CCDC175: variants seen among roughly 807,000 people sequenced by gnomAD.
CCDC175 encodes the protein coiled-coil domain-containing protein 175.
In CCDC175, 100 loss-of-function variants were observed where a neutral mutation model predicts 114.6. That is an observed-to-expected ratio of 0.87 (90% confidence interval 0.74 to 1.03). CCDC175 has a LOEUF of 1.03. Ranked by LOEUF, CCDC175 falls within the 50% of genes least tolerant of loss-of-function variation. The pLI is 0.00. For synonymous variants in CCDC175, 306 were observed against 308.7 expected (o/e 0.99, Z 0.09); for missense variants, 880 against 917.8 (o/e 0.96, Z 0.53).
intron 16 of CCDC175, among the ~76,000 whole-genome samples, chr14:59,523,134 C>T (rs1893519252): frequency 6.6e-6 from 1 of 152,206 alleles, no homozygotes; most frequent in Non-Finnish European, 1.5e-5. Context: ...AATAGCAATA[C>T]ATATTCCAAT....
intron 14 of CCDC175, among the ~76,000 whole-genome samples, chr14:59,529,832 A>T (rs1388302373): frequency 6.6e-6 from 1 of 152,136 alleles, no homozygotes; most frequent in Non-Finnish European, 1.5e-5. Context: ...CTGTGTATGG[A>T]GCCCATGCAT....
chr14:59,525,195 G>A, intron 16 of CCDC175, 87 bp downstream of exon 16: 1 of 1,041,004 alleles, frequency 9.6e-7, no homozygotes, highest in Non-Finnish European at 1.3e-6. Context: ...TTTTTCAAGA[G>A]CTATTCTCTT....
intron 3 of CCDC175, among the ~76,000 whole-genome samples, chr14:59,571,332 T>C (rs1237760293): frequency 6.6e-6 from 1 of 152,058 alleles, no homozygotes; most frequent in Non-Finnish European, 1.5e-5. Context: ...AGGCAACCCA[T>C]GGAATGGGAA....
chr14:59,576,588 C>A, intron 1 of CCDC175, 31 bp downstream of exon 1: 1 of 1,397,200 alleles, frequency 7.2e-7, no homozygotes, highest in Non-Finnish European at 9.2e-7. Context: ...TCTGAGGAGA[C>A]GTCCCTTCCA....
intron 3 of CCDC175, among the ~76,000 whole-genome samples, chr14:59,569,931 A>C (rs1344375192): frequency 6.6e-6 from 1 of 152,182 alleles, no homozygotes; most frequent in Non-Finnish European, 1.5e-5. Context: ...ACGGTGCTCA[A>C]GGAAACAGCA....
At chr14:59,528,515 AGAG>A (rs533584289) in intron 14 of CCDC175, among the ~76,000 whole-genome samples, 309 of 152,242 alleles carry the variant, frequency 2.0e-3, no homozygotes, top group Non-Finnish European at 3.6e-3. Flanking sequence ...CATATATAGT[AGAG>A]GAGATTTTAG....
In CCDC175 at chr14:59,540,744, G is replaced by C. The variant is rs1474498651; in HGVS notation, c.1286C>G (p.Ala429Gly). The change falls in exon 11 of 20, where the codon GCA (alanine) becomes GGA (glycine). Residue 429 changes from alanine (A) to glycine (G), a missense_variant and splice_region_variant. Coordinates refer to ENST00000537690, the MANE Select transcript of CCDC175 (RefSeq NM_001164399.2). ...GLITLQELQQ[A>G]TKTVYQQQIK... The stretch of plus-strand genomic sequence containing the variant: ...TTGTTGCTGATACACTGTTTTTGTT[G>C]CTCTAAAAAGAAAAACATATTGGAT... 1 of 1,428,282 alleles carries C rather than the reference G, an allele frequency of 7.0e-7. No homozygotes were observed. The allele number at this position is 1,428,282 out of a possible 1,614,324, so 88.5% of individuals were successfully genotyped here.
In CCDC175 at chr14:59,525,275, AACTT is replaced by A; in HGVS notation, c.1995+3_1995+6del. 2 of 1,436,754 alleles carry A rather than the reference AACTT, an allele frequency of 1.4e-6. No homozygotes were observed. The highest frequency in any genetic ancestry group is 1.8e-6 in the Non-Finnish European group (2 of 1,103,832). 89.0% of individuals were successfully genotyped at this position (1,436,754 alleles called of 1,614,324 possible). A position where few individuals can be genotyped will look rare whatever the true frequency, so the allele number is the denominator to read the frequency against. ...CATCATGAAAAGGATGGTGCTCTTAAACTTACTTCTTTTAATTTTTTATTTTCCA... is the reference window on the plus strand; with the variant it reads ...CATCATGAAAAGGATGGTGCTCTTAAACTTCTTTTAATTTTTTATTTTCCA... On this transcript the variant is annotated splice_donor_5th_base_variant and intron_variant, in intron 16 of 19. Transcript: ENST00000537690.
At chr14:59,512,714 C>T (rs866509432) in intron 17 of CCDC175, among the ~76,000 whole-genome samples, 6 of 151,766 alleles carry the variant, frequency 4.0e-5, no homozygotes, top group African/African-American at 9.7e-5. Context: ...ATACTATATT[C>T]TTGGATTAGA....
At chr14:59,556,581 C>T (rs1394269944) in intron 7 of CCDC175, among the ~76,000 whole-genome samples, 1 of 152,152 alleles carries the variant, frequency 6.6e-6, no homozygotes, top group Non-Finnish European at 1.5e-5. Flanking sequence ...ACACCAAAAG[C>T]AATGGCAACA....
rs928655776 is a variant in CCDC175 at position 59,551,297 on chromosome 14, C to T, written c.1035+58G>A. ...TTCTATATTTCTCACATATTTTAAA[C>T]ATTAACTAAAAATGAAATGTAATTA... is the stretch of plus-strand genomic sequence containing the variant. On this transcript the variant is annotated intron_variant, in intron 8 of 19. Transcript: ENST00000537690. 6 of 773,614 alleles carry T rather than the reference C, an allele frequency of 7.8e-6. No individual in the cohort carries two copies. In the African/African-American group the frequency reaches 1.1e-4, roughly 14 times the overall value. The allele number at this position is 773,614 out of a possible 1,614,324, so 47.9% of individuals were successfully genotyped here. A position where few individuals can be genotyped will look rare whatever the true frequency, so the allele number is the denominator to read the frequency against.
Position 59,525,311 on chromosome 14 carries a change from G to A in CCDC175, c.1966C>T (p.Leu656=), listed in dbSNP as rs1893678155. ...FYINDQKADL[L]LLENKKLKEY... ...TTTAATTTTTTATTTTCCAGGAGCA[G>A]AAGATCTGCTTTTTGGTCATTTATA... Residue 656 remains leucine (L), a synonymous_variant, in exon 16 of 20, where the codon CTG becomes TTG. Coordinates refer to ENST00000537690, the MANE Select transcript of CCDC175 (RefSeq NM_001164399.2). The A allele has an allele frequency of 6.8e-7, 1 of 1,460,796 alleles. No individual in the cohort carries two copies. The highest frequency in any genetic ancestry group is 8.9e-7 in the Non-Finnish European group (1 of 1,117,392). The allele number at this position is 1,460,796 out of a possible 1,614,324, so 90.5% of individuals were successfully genotyped here.
chr14:59,575,294 A>AT (rs59733429), intron 1 of CCDC175, among the ~76,000 whole-genome samples: 1 of 151,998 alleles, frequency 6.6e-6, no homozygotes, highest in African/African-American at 2.4e-5. Context: ...GGGTGTAATG[A>AT]TTTTTTTTTC....
intron 19 of CCDC175, among the ~76,000 whole-genome samples, chr14:59,505,825 C>CT (rs1387665646): frequency 5.3e-5 from 8 of 152,090 alleles, no homozygotes; most frequent in Admixed American, 3.9e-4. Flanking sequence ...CTAACCAGTC[C>CT]TGAAGAGGTA....
Position 59,543,369 on chromosome 14 carries a change from G to T in CCDC175, c.1258C>A (p.Leu420Ile). ...RVDIKNMEEG[L>I]ITLQELQQAT... is the part of the protein sequence containing the mutation. ...TGTTGAAGTTCCTGGAGTGTGATGAGTCCTTCTTCCATATTTTTGATGTCT... is the reference window on the plus strand; with the variant it reads ...TGTTGAAGTTCCTGGAGTGTGATGATTCCTTCTTCCATATTTTTGATGTCT... The change falls in exon 10 of 20, where the codon CTC (leucine) becomes ATC (isoleucine). Residue 420 changes from leucine (L) to isoleucine (I), a missense_variant. Coordinates refer to ENST00000537690, the MANE Select transcript of CCDC175 (RefSeq NM_001164399.2). 6.9e-7 allele frequency: 1 copy of T among 1,448,784 alleles called. No homozygotes were observed. The highest frequency in any genetic ancestry group is 1.4e-5 in the African/African-American group (1 of 70,490). The allele number at this position is 1,448,784 out of a possible 1,614,324, so 89.7% of individuals were successfully genotyped here.
At position 59,531,782 on chromosome 14, in the gene CCDC175, A is replaced by G. The variant is rs756808337; in HGVS notation, c.1752T>C (p.Asn584=). The G allele has an allele frequency of 6.7e-7, 1 of 1,492,134 alleles. No individual in the cohort carries two copies. Among genetic ancestry groups the G allele is most frequent in the Non-Finnish European group, 8.9e-7 (1 of 1,121,908 alleles). The allele number at this position is 1,492,134 out of a possible 1,614,324, so 92.4% of individuals were successfully genotyped here. A position where few individuals can be genotyped will look rare whatever the true frequency, so the allele number is the denominator to read the frequency against. The change falls in exon 14 of 20, where the codon AAT becomes AAC. Residue 584 remains asparagine (N), a synonymous_variant. Coordinates refer to ENST00000537690, the MANE Select transcript of CCDC175 (RefSeq NM_001164399.2). ...ATGCTTCATATGTACCTGTAATAAT[A>G]TTACTGAGCTCTTCTAACTTTCTTC... is the stretch of plus-strand genomic sequence containing the variant. ...EKRRKLEELS[N]IITAQRQEED...
Position 59,505,201 on chromosome 14 carries a change from AGTC to A in CCDC175, c.*35_*37del. On this transcript the variant is annotated 3_prime_UTR_variant, in exon 20 of 20. Transcript: ENST00000537690. Reference sequence around the variant, plus strand: ...TAAGTGCACTCACTTTTCCTGTAGTAGTCTGTCTTTTGAATTCACAGCAGTTGT... The same window carrying A: ...TAAGTGCACTCACTTTTCCTGTAGTATGTCTTTTGAATTCACAGCAGTTGT... 1 of 1,092,558 alleles carries A rather than the reference AGTC, an allele frequency of 9.2e-7. No homozygotes were observed. Among genetic ancestry groups the A allele is most frequent in the Non-Finnish European group, 1.3e-6 (1 of 776,322 alleles). The allele number at this position is 1,092,558 out of a possible 1,614,324, so 67.7% of individuals were successfully genotyped here.
At chr14:59,564,976 A>G (rs1896437508) in intron 5 of CCDC175, 71 bp downstream of exon 5, 3 of 1,185,620 alleles carry the variant, frequency 2.5e-6, no homozygotes, top group African/African-American at 3.1e-5. Context: ...GAGGACAAAT[A>G]AATTATTTCC....
intron 5 of CCDC175, among the ~76,000 whole-genome samples, 163 bp downstream of exon 5, chr14:59,564,884 C>T (rs576766445): frequency 2.0e-5 from 3 of 152,354 alleles, no homozygotes; most frequent in African/African-American, 7.2e-5. Flanking sequence ...TCCCCAAGAG[C>T]AGAAGTGTCC....
Sources: allele counts gnomAD v4.1 joint callset (sites outside exome capture counted in the v4.1 genomes callset), GRCh38; gene constraint gnomAD v4.1.1; transcripts MANE v1.5; gene names NCBI Gene and HGNC (gene_info 2026-07-23, HGNC 2026-07-21).